The following MTOR variants were observed in gnomAD, a reference collection of about 807,000 sequenced individuals.
MTOR encodes the protein mechanistic target of rapamycin kinase, also known as serine/threonine-protein kinase mTOR.
A neutral mutation model predicts 319.8 loss-of-function variants in MTOR; 70 were observed. The ratio of observed to expected loss-of-function variants is 0.22; its 90% CI spans 0.18 to 0.27. The LOEUF (loss-of-function observed/expected upper bound fraction) is 0.27. Ranked by LOEUF, MTOR falls within the 10% of genes least tolerant of loss-of-function variation. The pLI, the probability that MTOR is intolerant of heterozygous loss-of-function variation, is 1.00. For missense variants in MTOR, 1,890 were observed against 3,274.4 expected (o/e 0.58, Z 10.32); for synonymous variants, 1,183 against 1,211.4 (o/e 0.98, Z 0.49).
chr1:11,233,201 C>CT (rs1647079832), intron 15 of MTOR, 197 bp downstream of exon 15: 1 of 828,256 alleles, frequency 1.2e-6, no homozygotes, highest in African/African-American at 1.7e-5. Flanking sequence ...AATGTCACCA[C>CT]TATCTGGAGA....
At chr1:11,180,946 T>C (rs1032820978) in intron 28 of MTOR, among the ~76,000 whole-genome samples, 3 of 152,026 alleles carry the variant, frequency 2.0e-5, no homozygotes, top group African/African-American at 7.2e-5. Flanking sequence ...CCAGCTAATT[T>C]TTGTATTTTT....
At chr1:11,154,874 A>C (rs1644269261) in intron 30 of MTOR, among the ~76,000 whole-genome samples, 1 of 151,950 alleles carries the variant, frequency 6.6e-6, no homozygotes, top group Admixed American at 6.6e-5. Flanking sequence ...GGCTGTGCAC[A>C]GTGGCTCACA....
chr1:11,107,703 C>A (rs12117235), intron 57 of MTOR, among the ~76,000 whole-genome samples: 1 of 152,142 alleles, frequency 6.6e-6, no homozygotes, highest in Non-Finnish European at 1.5e-5. Context: ...ACTTCCCCAG[C>A]GCCCGCTCTC....
In MTOR at chr1:11,142,350, G is replaced by A. The variant is rs181137391; in HGVS notation, c.4872+2298C>T. On this transcript the variant is annotated intron_variant, in intron 34 of 57. Transcript: ENST00000361445. ...GTCCCTCAGGCTGGAGTGCAGTGGC[G>A]CAATCTTGGCTCACTGCAACCTCTG... Among the ~76,000 whole-genome samples, 591 of 152,132 alleles carry A rather than the reference G, an allele frequency of 3.9e-3. 4 individuals carry two copies. Among genetic ancestry groups the A allele is most frequent in the Non-Finnish European group, 5.1e-3 (344 of 67,988 alleles).
chr1:11,132,079 T>C (rs915611298), intron 38 of MTOR: 2 of 152,194 alleles, frequency 1.3e-5, no homozygotes, highest in South Asian at 2.1e-4. Flanking sequence ...ACGTTGATGG[T>C]AGAATACATC....
chr1:11,214,012 T>C (rs1203502328), intron 20 of MTOR, among the ~76,000 whole-genome samples: 1 of 152,214 alleles, frequency 6.6e-6, no homozygotes, highest in Non-Finnish European at 1.5e-5. Context: ...TGTAGGCTAC[T>C]TAGGGACAAG....
At chr1:11,255,883 C>T in intron 5 of MTOR, 109 bp downstream of exon 5, 1 of 1,017,404 alleles carries the variant, frequency 9.8e-7, no homozygotes, top group Non-Finnish European at 1.4e-6. Flanking sequence ...GAGAGCAAAC[C>T]AAAACGTGAT....
In MTOR at chr1:11,210,914, A is replaced by G. The variant is rs771538994; in HGVS notation, c.3562-8T>C. The G allele has an allele frequency of 5.1e-6, 8 of 1,566,314 alleles. No individual in the cohort carries two copies. The African/African-American group carries it at 8.1e-5, about 16-fold the overall frequency. On this transcript the variant is annotated splice_polypyrimidine_tract_variant and splice_region_variant and intron_variant, in intron 23 of 57. Coordinates refer to ENST00000361445, the MANE Select transcript of MTOR (RefSeq NM_004958.4). ...TGGAATGAAAATTTGGTACTAAAACAGGAGGGGGAAGAGATGAGAAACTAT... is the reference window on the plus strand; with the variant it reads ...TGGAATGAAAATTTGGTACTAAAACGGGAGGGGGAAGAGATGAGAAACTAT...
intron 19 of MTOR, among the ~76,000 whole-genome samples, chr1:11,219,935 A>C (rs1463286349): frequency 2.0e-5 from 3 of 149,860 alleles, no homozygotes; most frequent in Non-Finnish European, 4.4e-5. Context: ...CAGGAGGCTG[A>C]GGCATGAGGA....
chr1:11,259,525 C>G (rs150859449), intron 1 of MTOR, 102 bp from the exon 2 acceptor site: 2 of 1,299,788 alleles, frequency 1.5e-6, no homozygotes, highest in East Asian at 2.6e-5. Context: ...TAGCCCTTGT[C>G]AGGCAGGGGA....
At chr1:11,189,723 G>A in intron 28 of MTOR, 3 of 1,614,206 alleles carry the variant, frequency 1.9e-6, no homozygotes, top group Non-Finnish European at 1.7e-6. Flanking sequence ...GCTGTGAGGA[G>A]GTGAAGGAGC....
chr1:11,258,280 A>G lies in MTOR; in HGVS notation c.271+205T>C, dbSNP rs932987768. Among the ~76,000 whole-genome samples the G allele has an allele frequency of 2.0e-5, 3 of 152,188 alleles. No individual in the cohort carries two copies. In the East Asian group the frequency reaches 5.8e-4, roughly 29 times the overall value. On this transcript the variant is annotated intron_variant, in intron 3 of 57. Coordinates refer to ENST00000361445, the MANE Select transcript of MTOR (RefSeq NM_004958.4). ...CTCAGCTCTGGTAAACTGTCTGAAA[A>G]GTCACTCGATGGTTCCGAGACTCCA...
At chr1:11,139,009 C>G in intron 36 of MTOR, 1 of 334,764 alleles carries the variant, frequency 3.0e-6, no homozygotes, top group East Asian at 5.6e-5. Context: ...AACAGTCCAT[C>G]TTCTCTTAGG....
At chr1:11,151,540 G>C (rs548453911) in intron 30 of MTOR, among the ~76,000 whole-genome samples, 1 of 152,318 alleles carries the variant, frequency 6.6e-6, no homozygotes, top group East Asian at 1.9e-4. Flanking sequence ...GGCTCCTTCA[G>C]ATGGCTGGGC....
chr1:11,211,511 G>A (rs903472068), intron 23 of MTOR, among the ~76,000 whole-genome samples: 7 of 152,186 alleles, frequency 4.6e-5, no homozygotes, highest in Admixed American at 6.5e-5. Context: ...GGGACCACAG[G>A]CACGTGTTCC....
chr1:11,188,516 C>T (rs1012239946), intron 28 of MTOR, among the ~76,000 whole-genome samples: 4 of 152,166 alleles, frequency 2.6e-5, no homozygotes, highest in East Asian at 1.9e-4. Context: ...TTTTGAACCA[C>T]GGGCTAAGGA....
intron 20 of MTOR, among the ~76,000 whole-genome samples, chr1:11,213,955 GAT>G (rs1298506652): frequency 6.6e-6 from 1 of 152,184 alleles, no homozygotes; most frequent in Non-Finnish European, 1.5e-5. Flanking sequence ...CTTTGATAGC[GAT>G]AGCAGTTGTA....
intron 29 of MTOR, among the ~76,000 whole-genome samples, chr1:11,164,230 G>A (rs1644566522): frequency 1.3e-5 from 2 of 151,298 alleles, no homozygotes; most frequent in South Asian, 2.1e-4. Context: ...AGCTACTCAG[G>A]AGGCTGAGGC....
chr1:11,224,045 A>G (rs1646752035), intron 19 of MTOR, among the ~76,000 whole-genome samples: 1 of 135,980 alleles, frequency 7.4e-6, no homozygotes, highest in African/African-American at 3.0e-5. Context: ...TCTCAAAATA[A>G]AATAAAATAA....
Sources: allele counts gnomAD v4.1 joint callset (sites outside exome capture counted in the v4.1 genomes callset), GRCh38; gene constraint gnomAD v4.1.1; transcripts MANE v1.5; gene names NCBI Gene and HGNC (gene_info 2026-07-23, HGNC 2026-07-21).